Variants in PLA2G10 observed in about 807,000 individuals in gnomAD.
The protein encoded by PLA2G10 is group 10 secretory phospholipase A2.
Under a neutral mutation model 7.9 loss-of-function variants are expected in PLA2G10, and 9 were observed. The ratio of observed to expected loss-of-function variants is 1.14; its 90% CI spans 0.68 to 1.98. The LOEUF (loss-of-function observed/expected upper bound fraction) is 1.98. Ranked by LOEUF, PLA2G10 falls within the 30% of genes most tolerant of loss-of-function variation. The pLI is 0.00. For synonymous variants in PLA2G10, 19 were observed against 27.5 expected, an observed-to-expected ratio of 0.69 and a Z score of 0.97; for missense variants, 53 against 65.4, an observed-to-expected ratio of 0.81 and a Z score of 0.66.
At chr16:14,687,241 A>C (rs1418790286) in intron 3 of PLA2G10, among the ~76,000 whole-genome samples, 1 of 152,082 alleles carries the variant, frequency 6.6e-6, no homozygotes, top group African/African-American at 2.4e-5. Context: ...GCTTTGTTTC[A>C]AAATCTTGTA....
At chr16:14,676,667 A>C (rs149309568) in intron 3 of PLA2G10, among the ~76,000 whole-genome samples, 171 of 152,350 alleles carry the variant, frequency 1.1e-3, no homozygotes, top group African/African-American at 3.8e-3. Context: ...TGACAGAACA[A>C]GACTCCTTCT....
chr16:14,686,805 T>C (rs553808322), intron 3 of PLA2G10, among the ~76,000 whole-genome samples: 1 of 152,056 alleles, frequency 6.6e-6, no homozygotes, highest in Non-Finnish European at 1.5e-5. Flanking sequence ...CAAAATGGAA[T>C]CTTAAAAATA....
intron 3 of PLA2G10, among the ~76,000 whole-genome samples, chr16:14,682,523 T>G (rs1960921545): frequency 6.6e-6 from 1 of 151,726 alleles, no homozygotes; most frequent in East Asian, 2.0e-4. Flanking sequence ...TTGCAGTGAG[T>G]TGAGATCACT....
chr16:14,679,137 T>C (rs941030149), intron 3 of PLA2G10, among the ~76,000 whole-genome samples: 9 of 152,176 alleles, frequency 5.9e-5, no homozygotes, highest in African/African-American at 1.7e-4. Context: ...TTTTTGTTAT[T>C]GGGGCAAAAT....
chr16:14,684,514 A>C (rs1960994651), intron 3 of PLA2G10, among the ~76,000 whole-genome samples: 2 of 152,024 alleles, frequency 1.3e-5, no homozygotes, highest in Non-Finnish European at 1.5e-5. Context: ...AAAAATACAA[A>C]AATTAGCTGG....
intron 3 of PLA2G10, among the ~76,000 whole-genome samples, chr16:14,686,499 T>A (rs191974730): frequency 6.6e-6 from 1 of 151,942 alleles, no homozygotes; most frequent in East Asian, 2.0e-4. Context: ...TACATCAGAA[T>A]GGAATCTATT....
intron 3 of PLA2G10, among the ~76,000 whole-genome samples, chr16:14,676,324 G>A (rs1028303511): frequency 1.3e-5 from 2 of 152,166 alleles, no homozygotes; most frequent in African/African-American, 4.8e-5. Context: ...GTTTATCACA[G>A]CACAGTCACA....
At chr16:14,686,234 T>C (rs1418218730) in intron 3 of PLA2G10, among the ~76,000 whole-genome samples, 1 of 151,662 alleles carries the variant, frequency 6.6e-6, no homozygotes, top group African/African-American at 2.4e-5. Flanking sequence ...GCTCAAGCCA[T>C]CTGCCCGTCT....
intron 3 of PLA2G10, among the ~76,000 whole-genome samples, chr16:14,674,171 T>C (rs1960664181): frequency 6.6e-6 from 1 of 150,482 alleles, no homozygotes; most frequent in Non-Finnish European, 1.5e-5. Context: ...AGTAATATAC[T>C]TGAGCAGGAA....
intron 3 of PLA2G10, among the ~76,000 whole-genome samples, chr16:14,678,209 G>A (rs1040710663): frequency 5.9e-5 from 9 of 152,140 alleles, no homozygotes; most frequent in Admixed American, 3.9e-4. Flanking sequence ...TCCAAGGACA[G>A]AAGAGTGGTC....
At chr16:14,673,698 C>T (rs1960651040) in intron 3 of PLA2G10, among the ~76,000 whole-genome samples, 1 of 151,938 alleles carries the variant, frequency 6.6e-6, no homozygotes, top group South Asian at 2.1e-4. Context: ...AAGAAACATA[C>T]TTCTCCTCAA....
chr16:14,677,635 C>T (rs748894115), intron 3 of PLA2G10, among the ~76,000 whole-genome samples: 27 of 152,116 alleles, frequency 1.8e-4, no homozygotes, highest in African/African-American at 2.9e-4. Context: ...AAATTACAGG[C>T]GTGAGCCATT....
intron 3 of PLA2G10, among the ~76,000 whole-genome samples, chr16:14,679,398 G>A (rs755980020): frequency 7.9e-5 from 12 of 151,898 alleles, no homozygotes; most frequent in South Asian, 6.2e-4. Context: ...CGTGGTGCTC[G>A]TGCCTGTAAT....
At chr16:14,679,807 T>G (rs1359591652) in intron 3 of PLA2G10, among the ~76,000 whole-genome samples, 2 of 152,020 alleles carry the variant, frequency 1.3e-5, no homozygotes, top group African/African-American at 2.4e-5. Flanking sequence ...GTTGTGATCA[T>G]GCCACTGCAC....
At chr16:14,685,922 C>T (rs1306128424) in intron 3 of PLA2G10, among the ~76,000 whole-genome samples, 3 of 151,518 alleles carry the variant, frequency 2.0e-5, no homozygotes, top group African/African-American at 4.8e-5. Context: ...ATCCGCCCAC[C>T]TCAGCCTCCC....
chr16:14,684,053 C>T (rs973580942), intron 3 of PLA2G10, among the ~76,000 whole-genome samples: 1 of 151,992 alleles, frequency 6.6e-6, no homozygotes, highest in Non-Finnish European at 1.5e-5. Context: ...GCCTGGGCAA[C>T]TTATCTCTAC....
chr16:14,687,144 CA>C (rs1171883523), intron 3 of PLA2G10, among the ~76,000 whole-genome samples: 1 of 150,728 alleles, frequency 6.6e-6, no homozygotes, highest in Non-Finnish European at 1.5e-5. Context: ...AACAAACAAA[CA>C]AAAAAACCCA....
chr16:14,678,226 A>C (rs946693832), intron 3 of PLA2G10, among the ~76,000 whole-genome samples: 2 of 152,084 alleles, frequency 1.3e-5, no homozygotes, highest in African/African-American at 4.8e-5. Context: ...GGTCAGCTAC[A>C]GGGCGACGGG....
intron 3 of PLA2G10, among the ~76,000 whole-genome samples, chr16:14,686,970 T>C (rs935872054): frequency 2.0e-5 from 3 of 151,854 alleles, no homozygotes; most frequent in African/African-American, 7.3e-5. Flanking sequence ...TAGCCAGGTG[T>C]AGTGGCAGGC....
Sources: gnomAD v4.1 joint callset for allele counts (sites outside exome capture counted in the v4.1 genomes callset) on GRCh38, gnomAD v4.1.1 for gene constraint, MANE v1.5 for transcripts, NCBI Gene and HGNC (gene_info 2026-07-23, HGNC 2026-07-21) for gene names.